Variants in RTN1 observed in about 807,000 individuals in gnomAD.
RTN1 encodes reticulon 1.
A neutral mutation model predicts 65.5 loss-of-function variants in RTN1; 25 were observed. That is an observed-to-expected ratio of 0.38 (90% CI 0.28 to 0.53). The LOEUF (loss-of-function observed/expected upper bound fraction) is 0.53. Among genes scored for constraint, RTN1 ranks in the 20% least tolerant of loss-of-function variants. The pLI is 0.79. For synonymous variants in RTN1, 471 were observed against 447.6 expected (o/e 1.05, Z -0.66); for missense variants, 983 against 1,025.4 (o/e 0.96, Z 0.57).
chr14:59,664,828 G>C (rs374231248), intron 3 of RTN1, among the ~76,000 whole-genome samples: 1 of 151,972 alleles, frequency 6.6e-6, no homozygotes. Flanking sequence ...TTGTGCAAGC[G>C]TAAGTTTTTA....
intron 3 of RTN1, among the ~76,000 whole-genome samples, chr14:59,672,808 T>C (rs1227901319): frequency 1.4e-5 from 2 of 147,876 alleles, no homozygotes; most frequent in African/African-American, 5.0e-5. Context: ...GCCTGGCTAA[T>C]TTTTTGTATT....
chr14:59,771,953 T>G (rs1254111493), intron 1 of RTN1, among the ~76,000 whole-genome samples: 2 of 152,234 alleles, frequency 1.3e-5, no homozygotes, highest in Non-Finnish European at 2.9e-5. Flanking sequence ...ACCATTTTAT[T>G]TTAGACTCCA....
chr14:59,709,639 C>T (rs1045845166), intron 3 of RTN1, among the ~76,000 whole-genome samples: 1 of 152,120 alleles, frequency 6.6e-6, no homozygotes, highest in African/African-American at 2.4e-5. Context: ...CCTTGTGGTG[C>T]CAGTCCGCCT....
chr14:59,824,545 G>A (rs1455263045), intron 1 of RTN1, among the ~76,000 whole-genome samples: 1 of 152,162 alleles, frequency 6.6e-6, no homozygotes, highest in Non-Finnish European at 1.5e-5. Flanking sequence ...CCCTGCAAAT[G>A]TTTGTATTCA....
intron 3 of RTN1, among the ~76,000 whole-genome samples, chr14:59,658,019 G>A (rs1288192129): frequency 6.6e-6 from 1 of 152,242 alleles, no homozygotes; most frequent in Non-Finnish European, 1.5e-5. Flanking sequence ...TGCGAGCACA[G>A]CAGTCTGAAG....
Position 59,865,097 on chromosome 14 carries a change from G to A in RTN1, c.241+5293C>T, listed in dbSNP as rs150763155. On this transcript the variant is annotated intron_variant, in intron 1 of 8. Coordinates refer to ENST00000267484, the MANE Select transcript of RTN1 (RefSeq NM_021136.3). ...AAAAAGAGGGAAATAATGTTGTACA[G>A]GCATTATTTTTTAGTGAACTAGAGG... Among the ~76,000 whole-genome samples the A allele has an allele frequency of 3.1e-3, 472 of 152,176 alleles. 3 individuals carry two copies. Among genetic ancestry groups the A allele is most frequent in the Middle Eastern group, 0.02 (6 of 294 alleles).
At chr14:59,777,080 C>A (rs774049494) in intron 1 of RTN1, among the ~76,000 whole-genome samples, 5 of 152,124 alleles carry the variant, frequency 3.3e-5, no homozygotes, top group Admixed American at 6.6e-5. Flanking sequence ...TCAGCATGAG[C>A]AAATGTTGTC....
At chr14:59,708,466 C>T (rs1197319377) in intron 3 of RTN1, among the ~76,000 whole-genome samples, 1 of 152,208 alleles carries the variant, frequency 6.6e-6, no homozygotes, top group Non-Finnish European at 1.5e-5. Flanking sequence ...CAGCGTGGCT[C>T]ATCATTTTCT....
chr14:59,624,650 T>C (rs1421242244), intron 3 of RTN1, among the ~76,000 whole-genome samples: 1 of 152,022 alleles, frequency 6.6e-6, no homozygotes, highest in African/African-American at 2.4e-5. Context: ...TTAGTAGAGA[T>C]GAAGTTTCAC....
chr14:59,733,944 C>A (rs1884954215), intron 2 of RTN1, among the ~76,000 whole-genome samples: 1 of 152,192 alleles, frequency 6.6e-6, no homozygotes, highest in South Asian at 2.1e-4. Context: ...TGAGACCTCC[C>A]AACCAGGGTC....
At chr14:59,627,158 G>A (rs1882421879) in intron 3 of RTN1, among the ~76,000 whole-genome samples, 1 of 152,234 alleles carries the variant, frequency 6.6e-6, no homozygotes, top group Admixed American at 6.5e-5. Context: ...AAGCTCAAAT[G>A]AGAAGACGTC....
At chr14:59,716,950 A>AG (rs1487805929) in intron 3 of RTN1, among the ~76,000 whole-genome samples, 3 of 151,190 alleles carry the variant, frequency 2.0e-5, no homozygotes, top group Non-Finnish European at 4.4e-5. Context: ...CCTGGGCAAC[A>AG]GAGCGAGACT....
chr14:59,644,048 G>A (rs1036369735), intron 3 of RTN1, among the ~76,000 whole-genome samples: 6 of 152,178 alleles, frequency 3.9e-5, no homozygotes, highest in African/African-American at 1.4e-4. Context: ...CAAATAGGAA[G>A]TACTGATAAA....
At chr14:59,619,336 T>C (rs1882193453) in intron 3 of RTN1, among the ~76,000 whole-genome samples, 1 of 152,212 alleles carries the variant, frequency 6.6e-6, no homozygotes, top group Admixed American at 6.5e-5. Flanking sequence ...AAGCAGGGCA[T>C]TCTGACACAG....
intron 3 of RTN1, among the ~76,000 whole-genome samples, chr14:59,657,071 A>G (rs1162129872): frequency 6.6e-6 from 1 of 152,180 alleles, no homozygotes; most frequent in Non-Finnish European, 1.5e-5. Context: ...ATCCACAAAT[A>G]GCTGGAAAAA....
chr14:59,866,551 T>C (rs572889066), intron 1 of RTN1, among the ~76,000 whole-genome samples: 5 of 152,250 alleles, frequency 3.3e-5, no homozygotes, highest in South Asian at 2.1e-4. Flanking sequence ...CTAAATTTAA[T>C]TTAACCTAAT....
chr14:59,605,538 G>A (rs375257603), intron 4 of RTN1, 32 bp from the exon 5 acceptor site: 117 of 1,611,154 alleles, frequency 7.3e-5, no homozygotes, highest in East Asian at 1.3e-4. Flanking sequence ...AGAAAATTCC[G>A]TCAGAGGGAA....
intron 1 of RTN1, among the ~76,000 whole-genome samples, chr14:59,749,575 A>ATT (rs1566712234): frequency 2.1e-5 from 1 of 48,526 alleles, no homozygotes; most frequent in African/African-American, 1.6e-4. Flanking sequence ...ATAGATATAT[A>ATT]TATATAGATA....
intron 1 of RTN1, among the ~76,000 whole-genome samples, chr14:59,795,956 G>C (rs1053472177): frequency 3.3e-5 from 5 of 152,144 alleles, no homozygotes; most frequent in Non-Finnish European, 7.4e-5. Flanking sequence ...CAAAAATTAT[G>C]TATTAATCAC....
Sources: allele counts gnomAD v4.1 joint callset (sites outside exome capture counted in the v4.1 genomes callset), GRCh38; gene constraint gnomAD v4.1.1; transcripts MANE v1.5; gene names NCBI Gene and HGNC (gene_info 2026-07-23, HGNC 2026-07-21).